SHOX: variants seen among roughly 807,000 people sequenced by gnomAD.
SHOX encodes short stature homeobox protein.
Under a neutral mutation model 29.6 loss-of-function variants are expected in SHOX, and 12 were observed. That is an observed-to-expected ratio of 0.41 (90% CI 0.26 to 0.66). The LOEUF (loss-of-function observed/expected upper bound fraction) is 0.66, where lower values mean the gene tolerates loss of function less well. SHOX is among the 30% of genes least tolerant of loss of function. The pLI, the probability that SHOX is intolerant of heterozygous loss-of-function variation, is 0.35. For synonymous variants in SHOX, 214 were observed against 200.6 expected, an observed-to-expected ratio of 1.07 and a Z score of -0.57; for missense variants, 499 against 437.7, an observed-to-expected ratio of 1.14 and a Z score of -1.25.
intron 2 of SHOX, among the ~76,000 whole-genome samples, chrX:639,375 C>T (rs940232370): frequency 1.0e-4 from 15 of 142,930 alleles, no homozygotes; most frequent in South Asian, 4.2e-4. Flanking sequence ...CCAGGGCTTC[C>T]GAGGAGGCCG....
chrX:658,415 A>AT (rs1369039014), intron 5 of SHOX, among the ~76,000 whole-genome samples: 12 of 151,198 alleles, frequency 7.9e-5, no homozygotes, highest in African/African-American at 2.7e-4. Context: ...GATGGTTAGT[A>AT]TTTTTTGTAG....
Position 649,072 on chromosome X carries a change from C to T in SHOX, c.*4436C>T, listed in dbSNP as rs2053013121. Among the ~76,000 whole-genome samples, 1 of 149,608 alleles carries T rather than the reference C, an allele frequency of 6.7e-6. No homozygotes were observed. The highest frequency in any genetic ancestry group is 6.8e-5 in the Admixed American group (1 of 14,738). On this transcript the variant is annotated 3_prime_UTR_variant, in exon 5 of 5. Coordinates refer to ENST00000686671, the MANE Select transcript of SHOX (RefSeq NM_000451.4). Reference sequence around the variant, plus strand: ...TTTCTTTCTTCGATGAAGTCTCACTCTGTCACCCAGGCTGGAGTGCAGTGG... The same window carrying T: ...TTTCTTTCTTCGATGAAGTCTCACTTTGTCACCCAGGCTGGAGTGCAGTGG...
At chrX:640,583 C>T (rs978769691) in intron 2 of SHOX, among the ~76,000 whole-genome samples, 1 of 152,080 alleles carries the variant, frequency 6.6e-6, no homozygotes, top group African/African-American at 2.4e-5. Flanking sequence ...TTCAGAACCA[C>T]CACCACCACA....
rs1408088456 is a variant in SHOX, at chrX:648,572, C to T, written c.*3936C>T. 2.6e-5 allele frequency among the ~76,000 whole-genome samples: 4 copies of T among 152,172 alleles called. No individual in the cohort carries two copies. Among genetic ancestry groups the T allele is most frequent in the Non-Finnish European group, 5.9e-5 (4 of 68,036 alleles). ...AGGGAGTTACTGACTCTCAACTGTG[C>T]GGGGACGGTTTCAGTTTGATTTAAT... On this transcript the variant is annotated 3_prime_UTR_variant, in exon 5 of 5. Transcript: ENST00000686671.
intron 2 of SHOX, among the ~76,000 whole-genome samples, chrX:636,375 A>ATATAT (rs1569493989): frequency 1.1e-4 from 5 of 45,402 alleles, no homozygotes; most frequent in Non-Finnish European, 2.1e-4. Context: ...AATATATACA[A>ATATAT]ACATATTGTA....
chrX:649,875 G>A lies in SHOX; in HGVS notation c.*5239G>A. On this transcript the variant is annotated 3_prime_UTR_variant, in exon 5 of 5. Coordinates refer to ENST00000686671, the MANE Select transcript of SHOX (RefSeq NM_000451.4). ...AAAACACTTCTTCCTTTGAGTGGCT[G>A]TTCTGGTGAAATCTGTTTCTGACAT... The A allele has an allele frequency of 2.2e-6, 1 of 455,844 alleles. No individual in the cohort carries two copies. The highest frequency in any genetic ancestry group is 6.9e-5 in the East Asian group (1 of 14,400). The allele number at this position is 455,844 out of a possible 1,614,324, so 28.2% of individuals were successfully genotyped here.
intron 1 of SHOX, chrX:631,826 C>G: frequency 2.2e-6 from 1 of 445,046 alleles, no homozygotes; most frequent in Non-Finnish European, 4.6e-6. Context: ...GGCACCGCGC[C>G]CGGCCTGGGT....
intron 5 of SHOX, among the ~76,000 whole-genome samples, chrX:658,510 A>C (rs376108815): frequency 1.4e-5 from 2 of 144,410 alleles, no homozygotes; most frequent in Non-Finnish European, 3.0e-5. Context: ...TCGCTCTGTC[A>C]CCCAGGCTGG....
intron 5 of SHOX, among the ~76,000 whole-genome samples, chrX:658,176 T>A (rs1271588200): frequency 4.6e-5 from 7 of 152,042 alleles, no homozygotes; most frequent in Non-Finnish European, 8.8e-5. Flanking sequence ...GGTTTTACCA[T>A]GTTGGCCAGG....
chrX:634,603 C>A lies in SHOX; in HGVS notation c.278-15C>A, dbSNP rs181143203. The A allele has an allele frequency of 3.8e-4, 614 of 1,612,738 alleles. 9 individuals carry two copies. The East Asian group carries it at 0.012, about 32-fold the overall frequency. ...CTCCCCGGCCTCAGCCCTGTGCCCT[C>A]CGCTCCCCACGCAGGGATTTATGAA... On this transcript the variant is annotated splice_polypyrimidine_tract_variant and intron_variant, in intron 1 of 4. Transcript: ENST00000686671.
chrX:636,359 T>TAAATATATAAAC (rs1556463179), intron 2 of SHOX, among the ~76,000 whole-genome samples: 2 of 99,342 alleles, frequency 2.0e-5, no homozygotes, highest in African/African-American at 7.7e-5. Flanking sequence ...TATATAAACA[T>TAAATATATAAAC]ATATAAATAT....
chrX:644,578 C>T lies in SHOX; in HGVS notation c.821C>T (p.Ser274Phe). Reference protein sequence around the residue: ...AAAAKSNSKNSSIADLRLKAR... With the variant: ...AAAAKSNSKNFSIADLRLKAR... ...GCCGCCAAAAGCAACAGCAAGAATT[C>T]CAGCATCGCCGACCTGCGGCTCAAG... is the stretch of plus-strand genomic sequence containing the variant. Residue 274 changes from serine (S) to phenylalanine (F), a missense_variant, in exon 5 of 5, where the codon TCC becomes TTC. By Grantham distance (155) the Ser-to-Phe change is radical. Coordinates refer to ENST00000686671, the MANE Select transcript of SHOX (RefSeq NM_000451.4). 4 of 1,515,028 alleles carry T rather than the reference C, an allele frequency of 2.6e-6. No individual in the cohort carries two copies. The highest frequency in any genetic ancestry group is 3.5e-6 in the Non-Finnish European group (4 of 1,138,362). 93.8% of individuals were successfully genotyped at this position (1,515,028 alleles called of 1,614,324 possible).
At chrX:627,502 C>T (rs111337057), upstream of SHOX, among the ~76,000 whole-genome samples, 23,062 of 152,140 alleles carry the variant, frequency 0.15, 2,323 homozygotes, top group Middle Eastern at 0.23. Context: ...ATCTCTTTCG[C>T]GTAGCCAGAA....
At chrX:653,639 A>C (rs996806096), downstream of SHOX, among the ~76,000 whole-genome samples, 12 of 151,902 alleles carry the variant, frequency 7.9e-5, no homozygotes, top group Non-Finnish European at 1.2e-4. Context: ...AAAAAAATTA[A>C]CTTTTTCACA....
intron 2 of SHOX, among the ~76,000 whole-genome samples, chrX:640,024 A>C (rs1297403746): frequency 5.3e-5 from 8 of 149,714 alleles, no homozygotes; most frequent in Non-Finnish European, 8.9e-5. Context: ...AACAAAAACA[A>C]AACAAAAATC....
intron 2 of SHOX, among the ~76,000 whole-genome samples, chrX:639,662 G>A (rs931566667): frequency 6.6e-6 from 1 of 152,190 alleles, no homozygotes; most frequent in Non-Finnish European, 1.5e-5. Context: ...GTTCATCAGC[G>A]GTAACGCATA....
At position 631,193 on chromosome X, in the gene SHOX, C is replaced by T. The variant is rs759024868; in HGVS notation, c.277+19C>T. 1.9e-6 allele frequency: 3 copies of T among 1,612,076 alleles called. No homozygotes were observed. The highest frequency in any genetic ancestry group is 2.2e-5 in the East Asian group (1 of 44,820). On this transcript the variant is annotated intron_variant, in intron 1 of 4. Coordinates refer to ENST00000686671, the MANE Select transcript of SHOX (RefSeq NM_000451.4). ...GCAGAAGGTAAGTTCCTTTGCGCTC[C>T]GGCTCCAGGGGGGCCCTCCTGGGGT...
In SHOX at chrX:644,643, G is replaced by C. The variant is rs752716320; in HGVS notation, c.*7G>C. 35 of 1,457,680 alleles carry C rather than the reference G, an allele frequency of 2.4e-5. No homozygotes were observed. In the South Asian group the frequency reaches 4.7e-4, roughly 20 times the overall value. The allele number at this position is 1,457,680 out of a possible 1,614,324, so 90.3% of individuals were successfully genotyped here. Reference sequence around the variant, plus strand: ...GGAGGCCCTGGGGCTCTGACCCGCCGCGCAGCCCCCCGCGCGCCCGGACTC... The same window carrying C: ...GGAGGCCCTGGGGCTCTGACCCGCCCCGCAGCCCCCCGCGCGCCCGGACTC... On this transcript the variant is annotated 3_prime_UTR_variant, in exon 5 of 5. Transcript: ENST00000686671.
At chrX:642,150 G>A (rs1266589318) in intron 4 of SHOX, among the ~76,000 whole-genome samples, 1 of 152,216 alleles carries the variant, frequency 6.6e-6, no homozygotes, top group Non-Finnish European at 1.5e-5. Context: ...GGGGAGCTGC[G>A]TGGAAGGAGG....
Sources: gnomAD v4.1 joint callset for allele counts (sites outside exome capture counted in the v4.1 genomes callset) on GRCh38, gnomAD v4.1.1 for gene constraint, MANE v1.5 for transcripts, NCBI Gene and HGNC (gene_info 2026-07-23, HGNC 2026-07-21) for gene names.